NKAIN2: variants seen among roughly 807,000 people sequenced by gnomAD.
The protein encoded by NKAIN2 is sodium/potassium transporting ATPase interacting 2, also known as sodium/potassium-transporting ATPase subunit beta-1-interacting protein 2.
Under a neutral mutation model 32.6 loss-of-function variants are expected in NKAIN2, and 14 were observed. That is an observed-to-expected ratio of 0.43 (90% CI 0.28 to 0.67). The LOEUF (loss-of-function observed/expected upper bound fraction) is 0.67, where lower values mean the gene tolerates loss of function less well. NKAIN2 is among the 30% of genes least tolerant of loss of function. NKAIN2 has a pLI of 0.17. For missense variants in NKAIN2, 198 were observed against 258.3 expected (o/e 0.77, Z 1.60); for synonymous variants, 80 against 87.2 (o/e 0.92, Z 0.46).
At chr6:124,289,280 A>T (rs1795695407) in intron 2 of NKAIN2, among the ~76,000 whole-genome samples, 1 of 152,150 alleles carries the variant, frequency 6.6e-6, no homozygotes, top group African/African-American at 2.4e-5. Flanking sequence ...TTAACGTGAT[A>T]CATATGGTAG....
chr6:124,075,589 CTTTA>C (rs1160430734), intron 1 of NKAIN2, among the ~76,000 whole-genome samples: 1 of 151,886 alleles, frequency 6.6e-6, no homozygotes. Flanking sequence ...AAGTATGTTA[CTTTA>C]TTTATTTATT....
At chr6:124,778,881 G>A (rs1779105904) in intron 4 of NKAIN2, among the ~76,000 whole-genome samples, 4 of 152,210 alleles carry the variant, frequency 2.6e-5, no homozygotes, top group Admixed American at 2.0e-4. Context: ...TGTAGGAATG[G>A]CTGAATAGAG....
At chr6:124,241,690 T>G (rs557263761) in intron 1 of NKAIN2, among the ~76,000 whole-genome samples, 27 of 152,314 alleles carry the variant, frequency 1.8e-4, no homozygotes, top group African/African-American at 6.3e-4. Context: ...GCTAGCCATA[T>G]GCACCCTTGT....
intron 3 of NKAIN2, among the ~76,000 whole-genome samples, chr6:124,614,271 G>A (rs955969810): frequency 6.6e-6 from 1 of 152,106 alleles, no homozygotes; most frequent in African/African-American, 2.4e-5. Context: ...GCACGTGCCT[G>A]TAATCCTAGC....
At chr6:123,865,844 G>A (rs1277901405) in intron 1 of NKAIN2, among the ~76,000 whole-genome samples, 1 of 152,178 alleles carries the variant, frequency 6.6e-6, no homozygotes, top group Admixed American at 6.5e-5. Flanking sequence ...AATTTGTAAT[G>A]AGAGAAAAAG....
intron 1 of NKAIN2, among the ~76,000 whole-genome samples, chr6:123,824,991 G>T (rs915848861): frequency 6.6e-6 from 1 of 152,140 alleles, no homozygotes; most frequent in African/African-American, 2.4e-5. Context: ...ATCAACCACA[G>T]AAATTTATTT....
At chr6:124,164,327 A>ATGGATTAT (rs139501062) in intron 1 of NKAIN2, among the ~76,000 whole-genome samples, 2,793 of 152,168 alleles carry the variant, frequency 0.018, 74 homozygotes, top group African/African-American at 0.058. Context: ...AATAGGCACC[A>ATGGATTAT]TGGATTATTT....
intron 1 of NKAIN2, among the ~76,000 whole-genome samples, chr6:123,812,593 T>C (rs1315474421): frequency 6.6e-6 from 1 of 152,184 alleles, no homozygotes; most frequent in African/African-American, 2.4e-5. Context: ...ACTTCTGATA[T>C]TTAGAACTCC....
chr6:123,839,242 A>G (rs980968212), intron 1 of NKAIN2, among the ~76,000 whole-genome samples: 5 of 151,964 alleles, frequency 3.3e-5, no homozygotes, highest in African/African-American at 9.7e-5. Context: ...AAAAAAAAAA[A>G]ATTGGAGTCA....
intron 3 of NKAIN2, among the ~76,000 whole-genome samples, chr6:124,359,054 C>G (rs976014391): frequency 3.3e-5 from 5 of 152,040 alleles, no homozygotes; most frequent in Admixed American, 1.3e-4. Context: ...TCTTGTTTTT[C>G]TCAGGTTTGT....
At chr6:124,273,553 A>G (rs1324429755) in intron 1 of NKAIN2, among the ~76,000 whole-genome samples, 3 of 152,166 alleles carry the variant, frequency 2.0e-5, no homozygotes, top group Non-Finnish European at 2.9e-5. Flanking sequence ...ATATTAGCAT[A>G]TATCATAGTG....
chr6:124,092,389 G>A (rs1177012229), intron 1 of NKAIN2, among the ~76,000 whole-genome samples: 3 of 151,834 alleles, frequency 2.0e-5, no homozygotes, highest in African/African-American at 7.3e-5. Context: ...AAATATATAA[G>A]GAACAATTTT....
chr6:124,155,264 C>T (rs1787925679), intron 1 of NKAIN2, among the ~76,000 whole-genome samples: 1 of 152,036 alleles, frequency 6.6e-6, no homozygotes. Flanking sequence ...TGTAAGATGA[C>T]TCTAGTTAAC....
At chr6:124,451,042 G>T (rs1243476860) in intron 3 of NKAIN2, among the ~76,000 whole-genome samples, 1 of 152,014 alleles carries the variant, frequency 6.6e-6, no homozygotes, top group Non-Finnish European at 1.5e-5. Context: ...GAAATAGAAA[G>T]AATCAGTTAA....
chr6:124,122,624 C>G (rs7758835), intron 1 of NKAIN2, among the ~76,000 whole-genome samples: 131,058 of 152,102 alleles, frequency 0.86, 56,464 homozygotes, highest in Middle Eastern at 0.89. Flanking sequence ...TGTACAAATT[C>G]CAATGGATAA....
At chr6:123,818,386 C>G (rs1184815340) in intron 1 of NKAIN2, among the ~76,000 whole-genome samples, 1 of 149,092 alleles carries the variant, frequency 6.7e-6, no homozygotes, top group Non-Finnish European at 1.5e-5. Flanking sequence ...CACACACACA[C>G]ACACACACAC....
intron 3 of NKAIN2, among the ~76,000 whole-genome samples, chr6:124,390,086 G>A (rs920820325): frequency 2.0e-5 from 3 of 152,104 alleles, no homozygotes; most frequent in Non-Finnish European, 4.4e-5. Context: ...AAAAGGTACA[G>A]TGTTCTTTCG....
At chr6:123,968,389 T>C (rs1389616279) in intron 1 of NKAIN2, among the ~76,000 whole-genome samples, 1 of 152,162 alleles carries the variant, frequency 6.6e-6, no homozygotes, top group East Asian at 1.9e-4. Flanking sequence ...TTAAAAACAA[T>C]TAAACAAATG....
chr6:124,445,578 T>C (rs1168225694), intron 3 of NKAIN2, among the ~76,000 whole-genome samples: 1 of 152,090 alleles, frequency 6.6e-6, no homozygotes, highest in Admixed American at 6.6e-5. Context: ...ACAGTTATCA[T>C]GCCACTGTTG....
Sources: allele counts gnomAD v4.1 joint callset (sites outside exome capture counted in the v4.1 genomes callset), GRCh38; gene constraint gnomAD v4.1.1; transcripts MANE v1.5; gene names NCBI Gene and HGNC (gene_info 2026-07-23, HGNC 2026-07-21).